TXNDC9: variants seen among roughly 807,000 people sequenced by gnomAD.
TXNDC9 encodes thioredoxin domain-containing protein 9.
Under a neutral mutation model 23.0 loss-of-function variants are expected in TXNDC9, and 7 were observed. The observed-to-expected ratio is 0.30, with a 90% CI of 0.17 to 0.57. TXNDC9 has a LOEUF of 0.57. Among genes scored for constraint, TXNDC9 ranks in the 20% least tolerant of loss-of-function variants. TXNDC9 has a pLI of 0.90. For synonymous variants in TXNDC9, 72 were observed against 90.6 expected (o/e 0.79, Z 1.17); for missense variants, 198 against 252.6 (o/e 0.78, Z 1.47).
intron 2 of TXNDC9, among the ~76,000 whole-genome samples, chr2:99,331,806 G>A (rs1000493400): frequency 3.3e-5 from 5 of 151,988 alleles, no homozygotes; most frequent in Admixed American, 6.6e-5. Flanking sequence ...CTCGACTCAC[G>A]GCAACCTCCA....
intron 1 of TXNDC9, 122 bp downstream of exon 1, chr2:99,336,117 T>G (rs2094239388): frequency 4.6e-6 from 4 of 869,114 alleles, no homozygotes; most frequent in Non-Finnish European, 5.5e-6. Flanking sequence ...CAAGAGCCTC[T>G]GCCAGGACAC....
downstream of TXNDC9, among the ~76,000 whole-genome samples, chr2:99,315,459 T>C (rs1217125219): frequency 6.6e-6 from 1 of 152,184 alleles, no homozygotes; most frequent in African/African-American, 2.4e-5. Flanking sequence ...AGATATATGA[T>C]TTGCAAATAT....
chr2:99,334,040 G>A (rs910174003), intron 1 of TXNDC9, among the ~76,000 whole-genome samples: 13 of 152,210 alleles, frequency 8.5e-5, no homozygotes, highest in Admixed American at 5.9e-4. Flanking sequence ...AATTAGTCAT[G>A]CATCACTTAA....
At chr2:99,314,006 G>T (rs975579006), downstream of TXNDC9, among the ~76,000 whole-genome samples, 2 of 151,830 alleles carry the variant, frequency 1.3e-5, no homozygotes, top group Non-Finnish European at 2.9e-5. Flanking sequence ...GATTTGTTTT[G>T]GGGCCACTGA....
chr2:99,307,132 CTCT>C, the TXNDC9 span, among the ~76,000 whole-genome samples: 1 of 132,974 alleles, frequency 7.5e-6, no homozygotes, highest in African/African-American at 2.6e-5. Flanking sequence ...TTCTCTCTCT[CTCT>C]TCCTTCCTTG....
chr2:99,329,860 C>T (rs1252359455), intron 2 of TXNDC9, among the ~76,000 whole-genome samples: 4 of 151,726 alleles, frequency 2.6e-5, no homozygotes, highest in Admixed American at 6.6e-5. Context: ...CCCAGCTCCT[C>T]GGGGGCTGAG....
chr2:99,321,189 G>C (rs528217663), intron 4 of TXNDC9: 3 of 152,230 alleles, frequency 2.0e-5, no homozygotes, highest in Non-Finnish European at 4.4e-5. Context: ...TCAGAGAAAA[G>C]ACGGGAGGGA....
chr2:99,323,423 G>A (rs1203058812), intron 3 of TXNDC9, among the ~76,000 whole-genome samples: 3 of 151,648 alleles, frequency 2.0e-5, no homozygotes, highest in African/African-American at 7.3e-5. Flanking sequence ...CAAAAAAAGT[G>A]ACATCTTCTT....
chr2:99,307,907 A>G, the TXNDC9 span, among the ~76,000 whole-genome samples: 5 of 151,882 alleles, frequency 3.3e-5, no homozygotes, highest in African/African-American at 9.7e-5. Context: ...AGTCTTGCCA[A>G]TGCTACATTA....
chr2:99,325,887 T>G (rs921828292), intron 3 of TXNDC9, among the ~76,000 whole-genome samples: 1 of 152,070 alleles, frequency 6.6e-6, no homozygotes, highest in African/African-American at 2.4e-5. Context: ...GGTGGGTGAC[T>G]GTAGCCCTGG....
At chr2:99,324,283 T>C (rs2094208821) in intron 3 of TXNDC9, among the ~76,000 whole-genome samples, 1 of 152,230 alleles carries the variant, frequency 6.6e-6, no homozygotes, top group African/African-American at 2.4e-5. Context: ...TTCATGGTTA[T>C]TTTTACCAGT....
intron 4 of TXNDC9, among the ~76,000 whole-genome samples, chr2:99,320,233 C>T (rs2094198351): frequency 6.6e-6 from 1 of 152,182 alleles, no homozygotes; most frequent in South Asian, 2.1e-4. Flanking sequence ...GTCTTGAACT[C>T]TTAGGCTCAA....
downstream of TXNDC9, among the ~76,000 whole-genome samples, chr2:99,313,987 AAT>A (rs889596652): frequency 2.6e-5 from 4 of 152,170 alleles, no homozygotes; most frequent in African/African-American, 7.2e-5. Flanking sequence ...CTATTCATTA[AAT>A]ATATATGATT....
downstream of TXNDC9, among the ~76,000 whole-genome samples, chr2:99,314,606 C>G (rs1444887256): frequency 1.5e-5 from 2 of 134,310 alleles, no homozygotes; most frequent in East Asian, 4.5e-4. Flanking sequence ...TCTTGGCTCA[C>G]TGCAACCTCC....
intron 4 of TXNDC9, 145 bp downstream of exon 4, chr2:99,321,810 A>G: frequency 1.0e-6 from 1 of 957,196 alleles, no homozygotes; most frequent in East Asian, 2.7e-5. Flanking sequence ...CACTTCAAAA[A>G]AACATGCTTT....
the TXNDC9 span, among the ~76,000 whole-genome samples, chr2:99,307,948 C>T: frequency 1.7e-4 from 26 of 152,276 alleles, no homozygotes; most frequent in East Asian, 4.2e-3. Flanking sequence ...GGTTCTATAA[C>T]AGTCTTATTT....
the TXNDC9 span, chr2:99,306,778 G>C: frequency 4.4e-6 from 2 of 455,350 alleles, no homozygotes; most frequent in South Asian, 3.1e-5. Flanking sequence ...CGGCCCTAGG[G>C]CCACCACCTG....
downstream of TXNDC9, among the ~76,000 whole-genome samples, chr2:99,317,721 T>C (rs1271080438): frequency 6.6e-6 from 1 of 151,840 alleles, no homozygotes; most frequent in Non-Finnish European, 1.5e-5. Flanking sequence ...CAAGTGGTCC[T>C]CCCGCCTCCG....
Position 99,319,751 on chromosome 2 carries a change from T to C in TXNDC9, c.612A>G (p.Thr204=), listed in dbSNP as rs755587135. 1 of 1,604,764 alleles carries C rather than the reference T, an allele frequency of 6.2e-7. No individual in the cohort carries two copies. The highest frequency in any genetic ancestry group is 1.7e-5 in the Admixed American group (1 of 57,890). ...TTTTCTTTTCCAGCTTTGTGAAGTT[T>C]GTTCCAAATTTCTTTTGGTTCTGAA... ...PPFQNQKKFG[T]NFTKLEKKTI... is the part of the protein sequence containing the mutation. The change falls in exon 5 of 5, where the codon ACA becomes ACG. Residue 204 remains threonine, a synonymous_variant. Transcript: ENST00000264255.
Sources: gnomAD v4.1 joint callset for allele counts (sites outside exome capture counted in the v4.1 genomes callset) on GRCh38, gnomAD v4.1.1 for gene constraint, MANE v1.5 for transcripts, NCBI Gene and HGNC (gene_info 2026-07-23, HGNC 2026-07-21) for gene names.